The following MLIP variants were observed in gnomAD, a reference collection of about 807,000 sequenced individuals.
MLIP encodes muscular LMNA interacting protein, also known as muscular LMNA-interacting protein.
In MLIP, 79 loss-of-function variants were observed where a neutral mutation model predicts 84.8. That is an observed-to-expected ratio of 0.93 (90% CI 0.78 to 1.12). The LOEUF is 1.12. Among genes scored for constraint, MLIP ranks in the 50% most tolerant of loss-of-function variants. The pLI is 0.00. For synonymous variants in MLIP, 504 were observed against 463.0 expected, an observed-to-expected ratio of 1.09 and a Z score of -1.14; for missense variants, 1,257 against 1,160.6, an observed-to-expected ratio of 1.08 and a Z score of -1.21.
intron 9 of MLIP, among the ~76,000 whole-genome samples, chr6:54,175,975 G>A (rs1258166575): frequency 3.3e-5 from 5 of 151,884 alleles, no homozygotes; most frequent in African/African-American, 1.2e-4. Flanking sequence ...TGCTTTTTCA[G>A]CATCAATGAT....
At chr6:54,024,783 A>T (rs10080737) in intron 1 of MLIP, among the ~76,000 whole-genome samples, 1 of 152,078 alleles carries the variant, frequency 6.6e-6, no homozygotes, top group Non-Finnish European at 1.5e-5. Context: ...GAATGTCTTA[A>T]CAATGGGAAT....
At chr6:54,105,979 G>A (rs1237086716) in intron 1 of MLIP, among the ~76,000 whole-genome samples, 5 of 152,166 alleles carry the variant, frequency 3.3e-5, no homozygotes, top group African/African-American at 4.8e-5. Flanking sequence ...CCTGACTTCT[G>A]TTTTAAAAGG....
intron 1 of MLIP, among the ~76,000 whole-genome samples, chr6:54,103,253 G>A (rs1461258806): frequency 6.6e-6 from 1 of 152,126 alleles, no homozygotes; most frequent in African/African-American, 2.4e-5. Flanking sequence ...GTATGTGTCA[G>A]ACTTCTAAAA....
chr6:54,239,148 C>T (rs777748166), intron 12 of MLIP, among the ~76,000 whole-genome samples: 13 of 152,058 alleles, frequency 8.5e-5, no homozygotes, highest in Non-Finnish European at 1.8e-4. Flanking sequence ...ATAGCTTTCA[C>T]TTCATAGCCA....
chr6:54,145,569 C>G (rs1772718228), intron 4 of MLIP, among the ~76,000 whole-genome samples: 1 of 151,650 alleles, frequency 6.6e-6, no homozygotes, highest in South Asian at 2.1e-4. Context: ...CCTAAGAATT[C>G]AAGACAAGCC....
chr6:54,239,046 A>C (rs1311318648), intron 12 of MLIP, among the ~76,000 whole-genome samples: 1 of 152,112 alleles, frequency 6.6e-6, no homozygotes, highest in African/African-American at 2.4e-5. Context: ...GTAAGTTTTT[A>C]TGCAAGGGCT....
At chr6:54,035,872 T>C (rs1202466615) in intron 1 of MLIP, among the ~76,000 whole-genome samples, 1 of 152,080 alleles carries the variant, frequency 6.6e-6, no homozygotes, top group Non-Finnish European at 1.5e-5. Flanking sequence ...AGATGCATGT[T>C]CTTTGTTGGA....
intron 1 of MLIP, among the ~76,000 whole-genome samples, chr6:54,115,988 GA>G (rs1245941252): frequency 2.0e-5 from 3 of 152,140 alleles, no homozygotes; most frequent in African/African-American, 7.2e-5. Flanking sequence ...CTGAATTCCA[GA>G]AGGTATACAG....
At chr6:54,233,207 C>T (rs1206575417) in intron 12 of MLIP, among the ~76,000 whole-genome samples, 1 of 151,958 alleles carries the variant, frequency 6.6e-6, no homozygotes, top group East Asian at 1.9e-4. Context: ...ACTTTAAGTT[C>T]TGGGATACAT....
intron 9 of MLIP, among the ~76,000 whole-genome samples, chr6:54,175,554 C>A (rs1313467350): frequency 6.6e-6 from 1 of 151,812 alleles, no homozygotes; most frequent in African/African-American, 2.4e-5. Flanking sequence ...AGATTGTTCA[C>A]TATTGGTATG....
intron 4 of MLIP, among the ~76,000 whole-genome samples, chr6:54,139,081 A>G (rs1772071554): frequency 6.6e-6 from 1 of 152,174 alleles, no homozygotes; most frequent in Non-Finnish European, 1.5e-5. Flanking sequence ...CAAGTCAAAA[A>G]CATGCATTAA....
chr6:54,212,415 G>A (rs1424077343), intron 11 of MLIP, among the ~76,000 whole-genome samples: 1 of 152,088 alleles, frequency 6.6e-6, no homozygotes, highest in African/African-American at 2.4e-5. Context: ...AAAAAAGAGG[G>A]GGGAAAACAA....
Position 54,138,026 on chromosome 6 carries a change from T to C in MLIP, c.1957T>C (p.Ser653Pro), listed in dbSNP as rs1771967761. The C allele has an allele frequency of 1.3e-6, 2 of 1,535,972 alleles. No homozygotes were observed. The highest frequency in any genetic ancestry group is 2.7e-5 in the African/African-American group (2 of 73,006). The part of the protein sequence containing the change: ...SLPVSSADFA[S>P]LPNLRSSSLP... Reference sequence around the variant, plus strand: ...CCCTGTCTCCAGTGCTGACTTTGCCTCTCTTCCCAACTTGAGGTCCTCCTC... The same window carrying C: ...CCCTGTCTCCAGTGCTGACTTTGCCCCTCTTCCCAACTTGAGGTCCTCCTC... The change falls in exon 4 of 14, where the codon TCT becomes CCT. Residue 653 changes from serine (S) to proline (P), a missense_variant. Transcript: ENST00000502396.
chr6:54,204,301 C>G (rs893481561), intron 11 of MLIP, among the ~76,000 whole-genome samples: 1 of 152,090 alleles, frequency 6.6e-6, no homozygotes, highest in African/African-American at 2.4e-5. Context: ...AATGGAAACT[C>G]CTGTGGGGAA....
chr6:54,174,751 A>G (rs1193755552), intron 9 of MLIP, among the ~76,000 whole-genome samples: 2 of 151,794 alleles, frequency 1.3e-5, no homozygotes, highest in Non-Finnish European at 2.9e-5. Context: ...TTTTAACATG[A>G]TGTGATCCCA....
chr6:54,160,424 C>G lies in MLIP; in HGVS notation c.2347C>G (p.Pro783Ala), dbSNP rs1228325991. 4 of 1,612,328 alleles carry G rather than the reference C, an allele frequency of 2.5e-6. No homozygotes were observed. Among genetic ancestry groups the G allele is most frequent in the Non-Finnish European group, 3.4e-6 (4 of 1,179,112 alleles). The stretch of plus-strand genomic sequence containing the variant: ...CTCCAAGGACAACACATTAGAACCA[C>G]CAGTGGAGGTAATAACTTCAGATTA... ...SVSKDNTLEP[P>A]VELYFPAQLR... The change falls in exon 6 of 14, where the codon CCA becomes GCA. Residue 783 changes from proline to alanine, a missense_variant. Pro to Ala is a conservative substitution (Grantham distance 27, BLOSUM62 -1). Transcript: ENST00000502396.
intron 1 of MLIP, among the ~76,000 whole-genome samples, chr6:54,039,648 A>G (rs1764635265): frequency 6.6e-6 from 1 of 151,976 alleles, no homozygotes; most frequent in African/African-American, 2.4e-5. Flanking sequence ...TAAACAAGCA[A>G]GATATGAAAA....
At chr6:54,141,830 A>T (rs980699361) in intron 4 of MLIP, among the ~76,000 whole-genome samples, 5 of 152,200 alleles carry the variant, frequency 3.3e-5, no homozygotes, top group African/African-American at 1.2e-4. Flanking sequence ...CTTACCGAAG[A>T]CAGTCTGAAG....
At chr6:54,216,590 T>C (rs980981910) in intron 11 of MLIP, 25 of 976,032 alleles carry the variant, frequency 2.6e-5, no homozygotes, top group Admixed American at 2.5e-4. Context: ...AAAAATTATG[T>C]TGTGATTATT....
Sources: allele counts gnomAD v4.1 joint callset (sites outside exome capture counted in the v4.1 genomes callset), GRCh38; gene constraint gnomAD v4.1.1; transcripts MANE v1.5; gene names NCBI Gene and HGNC (gene_info 2026-07-23, HGNC 2026-07-21).